Variants in RGS6 observed in about 807,000 individuals in gnomAD.
RGS6 encodes the protein regulator of G-protein signaling 6.
A neutral mutation model predicts 78.5 loss-of-function variants in RGS6; 30 were observed. The ratio of observed to expected loss-of-function variants is 0.38; its 90% CI spans 0.29 to 0.52. The LOEUF (loss-of-function observed/expected upper bound fraction) is 0.52. Ranked by LOEUF, RGS6 falls within the 20% of genes least tolerant of loss-of-function variation. The pLI, the probability that RGS6 is intolerant of heterozygous loss-of-function variation, is 0.85. For missense variants in RGS6, 495 were observed against 609.7 expected (o/e 0.81, Z 1.98); for synonymous variants, 206 against 206.0 (o/e 1.00, Z 0.00).
At chr14:71,915,639 GT>G in the RGS6 span, among the ~76,000 whole-genome samples, 1 of 152,174 alleles carries the variant, frequency 6.6e-6, no homozygotes, top group Non-Finnish European at 1.5e-5. Flanking sequence ...GGATAGGATT[GT>G]TTAAGTCAAT....
chr14:71,923,494 G>A, the RGS6 span, among the ~76,000 whole-genome samples: 9,165 of 152,246 alleles, frequency 0.06, 376 homozygotes, highest in Non-Finnish European at 0.091. Flanking sequence ...GCTGAGGTGA[G>A]AGGATTGATT....
chr14:72,022,711 C>G (rs1169742242), intron 2 of RGS6, among the ~76,000 whole-genome samples: 2 of 11,506 alleles, frequency 1.7e-4, no homozygotes, highest in African/African-American at 1.1e-3. Context: ...CTCTTTCACT[C>G]TTTGGCTGGC....
intron 2 of RGS6, among the ~76,000 whole-genome samples, chr14:72,006,996 T>C (rs2084692716): frequency 6.6e-6 from 1 of 151,866 alleles, no homozygotes; most frequent in African/African-American, 2.4e-5. Flanking sequence ...TATTGGAAAC[T>C]GGAAAACAGA....
intron 2 of RGS6, among the ~76,000 whole-genome samples, chr14:72,009,531 G>T (rs536295913): frequency 1.8e-4 from 28 of 152,264 alleles, no homozygotes; most frequent in Admixed American, 1.4e-3. Flanking sequence ...AAAGAGAAAA[G>T]GTGCTGATTT....
rs189775783 is a variant in RGS6 at position 72,396,102 on chromosome 14, C to T, written c.184+43908C>T. Among the ~76,000 whole-genome samples the T allele has an allele frequency of 0.018, 2,678 of 152,248 alleles. 323 individuals are homozygous for T. In the East Asian group the frequency reaches 0.34, roughly 19 times the overall value. On this transcript the variant is annotated intron_variant, in intron 3 of 17. Transcript: ENST00000553525. ...TTCCAGTTCTAGATCCCTGAGGAATCGCCACACCAACTTCCACAATGGTTG... is the reference window on the plus strand; with the variant it reads ...TTCCAGTTCTAGATCCCTGAGGAATTGCCACACCAACTTCCACAATGGTTG...
At chr14:72,269,624 G>A (rs1010970857) in intron 2 of RGS6, among the ~76,000 whole-genome samples, 1 of 138,554 alleles carries the variant, frequency 7.2e-6, no homozygotes, top group Non-Finnish European at 1.5e-5. Flanking sequence ...GAGTGCAGTG[G>A]CACAGTCTCG....
chr14:71,973,158 A>T (rs1484574022), intron 2 of RGS6, among the ~76,000 whole-genome samples: 3 of 152,192 alleles, frequency 2.0e-5, no homozygotes, highest in African/African-American at 7.2e-5. Context: ...GTGATCTCTA[A>T]AGCATTTTTT....
intron 3 of RGS6, among the ~76,000 whole-genome samples, chr14:72,383,609 A>G (rs1230300614): frequency 6.6e-6 from 1 of 152,272 alleles, no homozygotes; most frequent in East Asian, 1.9e-4. Context: ...GATACCCTCC[A>G]TTATGGGTCA....
rs1279108602 is a variant in RGS6 at position 72,123,378 on chromosome 14, G to C, written c.84+158503G>C. On this transcript the variant is annotated intron_variant, in intron 2 of 17. Coordinates refer to ENST00000553525, the MANE Select transcript of RGS6 (RefSeq NM_001204424.2). Reference sequence around the variant, plus strand: ...AGGAAAGGCAAGATTTGATGAAGTTGGTAGAAATCAAGAAGCACAGTTTTG... The same window carrying C: ...AGGAAAGGCAAGATTTGATGAAGTTCGTAGAAATCAAGAAGCACAGTTTTG... 4.6e-5 allele frequency among the ~76,000 whole-genome samples: 7 copies of C among 152,194 alleles called. No individual in the cohort carries two copies. In the South Asian group the frequency reaches 6.2e-4, roughly 14 times the overall value.
intron 2 of RGS6, among the ~76,000 whole-genome samples, chr14:71,979,872 C>A (rs893648191): frequency 6.7e-6 from 1 of 148,602 alleles, no homozygotes; most frequent in African/African-American, 2.5e-5. Flanking sequence ...GTTAAAGTCT[C>A]CCATTATTAA....
At chr14:72,481,904 G>T (rs1771061667) in intron 12 of RGS6, among the ~76,000 whole-genome samples, 1 of 150,588 alleles carries the variant, frequency 6.6e-6, no homozygotes, top group Non-Finnish European at 1.5e-5. Flanking sequence ...CGCCTCCCGG[G>T]TTCACACCAT....
chr14:72,089,309 G>A (rs550549473), intron 2 of RGS6, among the ~76,000 whole-genome samples: 1 of 152,282 alleles, frequency 6.6e-6, no homozygotes, highest in African/African-American at 2.4e-5. Flanking sequence ...CATTTTTCTG[G>A]AATAATGTTA....
chr14:72,077,188 ATTAT>A (rs2094608390), intron 2 of RGS6, among the ~76,000 whole-genome samples: 1 of 151,904 alleles, frequency 6.6e-6, no homozygotes, highest in Non-Finnish European at 1.5e-5. Flanking sequence ...TTGATTTGTA[ATTAT>A]TTATTGGTAT....
intron 2 of RGS6, among the ~76,000 whole-genome samples, chr14:71,968,895 A>G (rs577014912): frequency 6.6e-6 from 1 of 152,340 alleles, no homozygotes; most frequent in East Asian, 1.9e-4. Flanking sequence ...TTACATATGT[A>G]TACATGTGCC....
rs71109735 is a variant in RGS6, at chr14:72,437,167, CAAAAAAAAAA to C, written c.185-17346_185-17337del. 2.7e-4 allele frequency among the ~76,000 whole-genome samples: 20 copies of C among 75,016 alleles called. 1 individual carries two copies. The highest frequency in any genetic ancestry group is 2.6e-3 in the Admixed American group (16 of 6,148). 49.2% of individuals were successfully genotyped at this position (75,016 alleles called of 152,430 possible). A position where few individuals can be genotyped will look rare whatever the true frequency, so the allele number is the denominator to read the frequency against. The stretch of plus-strand genomic sequence containing the variant: ...TGAAACCCCGTCTTTACTAAAAATA[CAAAAAAAAAA>C]AAAAAAAAAAAAAATTAGCCAGGCA... On this transcript the variant is annotated intron_variant, in intron 3 of 17. Transcript: ENST00000553525.
chr14:72,350,040 A>G (rs8018857), intron 2 of RGS6, among the ~76,000 whole-genome samples: 435 of 152,268 alleles, frequency 2.9e-3, no homozygotes, highest in African/African-American at 9.8e-3. Flanking sequence ...AAATTGTTGG[A>G]TTGAGTTTAG....
upstream of RGS6, among the ~76,000 whole-genome samples, chr14:71,930,997 A>T (rs973380780): frequency 7.1e-6 from 1 of 139,870 alleles, no homozygotes; most frequent in Non-Finnish European, 1.5e-5. Flanking sequence ...AAAAAAAAAA[A>T]AAAAAAAAAA....
intron 3 of RGS6, among the ~76,000 whole-genome samples, chr14:72,411,085 GT>G (rs1315848727): frequency 2.6e-5 from 4 of 152,194 alleles, no homozygotes; most frequent in South Asian, 2.1e-4. Flanking sequence ...CTTTAAAGTA[GT>G]TTTTTTCCAA....
chr14:72,392,088 G>A (rs1048131437), intron 3 of RGS6, among the ~76,000 whole-genome samples: 20 of 151,862 alleles, frequency 1.3e-4, no homozygotes, highest in East Asian at 3.9e-4. Context: ...GTGCAATCTC[G>A]GCTCACTGTA....
Sources: gnomAD v4.1 joint callset for allele counts (sites outside exome capture counted in the v4.1 genomes callset) on GRCh38, gnomAD v4.1.1 for gene constraint, MANE v1.5 for transcripts, NCBI Gene and HGNC (gene_info 2026-07-23, HGNC 2026-07-21) for gene names.